SOX6: variants seen among roughly 807,000 people sequenced by gnomAD.
SOX6 encodes transcription factor SOX-6.
In SOX6, 11 loss-of-function variants were observed where a neutral mutation model predicts 97.8. The observed-to-expected ratio is 0.11, with a 90% CI of 0.07 to 0.19. SOX6 has a LOEUF of 0.19. Ranked by LOEUF, SOX6 falls within the 10% of genes least tolerant of loss-of-function variation. The pLI, the probability that SOX6 is intolerant of heterozygous loss-of-function variation, is 1.00. For missense variants in SOX6, 810 were observed against 1,039.5 expected (o/e 0.78, Z 3.04); for synonymous variants, 360 against 371.4 (o/e 0.97, Z 0.35).
intron 1 of SOX6, among the ~76,000 whole-genome samples, chr11:16,458,768 C>T (rs1315657203): frequency 6.6e-6 from 1 of 151,758 alleles, no homozygotes; most frequent in Non-Finnish European, 1.5e-5. Context: ...CAGGAAGCAG[C>T]AAAAAAATAG....
At position 16,132,326 on chromosome 11, in the gene SOX6, GGAAGGAAA is replaced by G. The variant is rs1236600042; in HGVS notation, c.778-20411_778-20404del. Among the ~76,000 whole-genome samples the G allele has an allele frequency of 1.7e-3, 112 of 66,306 alleles. 1 individual carries two copies. Among genetic ancestry groups the G allele is most frequent in the Non-Finnish European group, 2.8e-3 (89 of 32,116 alleles). 43.5% of individuals were successfully genotyped at this position (66,306 alleles called of 152,430 possible). A position where few individuals can be genotyped will look rare whatever the true frequency, so the allele number is the denominator to read the frequency against. ...AGGAAGGAAGGAAGGAAGGAAGGAA[GGAAGGAAA>G]GAAAAAAGAAAGAAAGAAAGAAAGA... On this transcript the variant is annotated intron_variant, in intron 6 of 15. Transcript: ENST00000683767.
intron 3 of SOX6, among the ~76,000 whole-genome samples, chr11:16,638,451 G>A (rs112283746): frequency 0.011 from 1,707 of 152,176 alleles, 24 homozygotes; most frequent in African/African-American, 0.039. Flanking sequence ...GGATGGCTGG[G>A]TCAAATGGTA....
At chr11:16,045,574 A>G (rs545389019) in intron 12 of SOX6, among the ~76,000 whole-genome samples, 1 of 152,280 alleles carries the variant, frequency 6.6e-6, no homozygotes, top group South Asian at 2.1e-4. Context: ...ACCAGGTAAT[A>G]ATAAGCTCTG....
chr11:16,603,436 A>T (rs1848295245), intron 4 of SOX6, among the ~76,000 whole-genome samples: 1 of 152,148 alleles, frequency 6.6e-6, no homozygotes, highest in Admixed American at 6.5e-5. Flanking sequence ...TCCCACAGTG[A>T]TCACTAGCAG....
rs147104203 is a variant in SOX6 at position 16,278,602 on chromosome 11, G to A, written c.445+39844C>T. On this transcript the variant is annotated intron_variant, in intron 3 of 15. Coordinates refer to ENST00000683767, the MANE Select transcript of SOX6 (RefSeq NM_001367873.1). Reference sequence around the variant, plus strand: ...AAACTAAATCAAGCACAAAGATTTGGGGCCCCAGAACAATAACATCAAGTT... The same window carrying A: ...AAACTAAATCAAGCACAAAGATTTGAGGCCCCAGAACAATAACATCAAGTT... Among the ~76,000 whole-genome samples the A allele has an allele frequency of 5.4e-3, 814 of 151,800 alleles. 7 individuals are homozygous for A. Among genetic ancestry groups the A allele is most frequent in the African/African-American group, 0.019 (777 of 41,400 alleles).
chr11:16,405,105 C>A (rs968881537), intron 1 of SOX6, among the ~76,000 whole-genome samples: 1 of 151,892 alleles, frequency 6.6e-6, no homozygotes, highest in Non-Finnish European at 1.5e-5. Flanking sequence ...TATGAAACAG[C>A]CTTTTATCCC....
rs1847642997 is a variant in SOX6, at chr11:16,049,931, G to A, written c.1259C>T (p.Ala420Val). 1.2e-6 allele frequency: 2 copies of A among 1,613,468 alleles called. No individual in the cohort carries two copies. Among genetic ancestry groups the A allele is most frequent in the Admixed American group, 3.3e-5 (2 of 59,944 alleles). The change falls in exon 11 of 16, where the codon GCA becomes GTA. Residue 420 changes from alanine (A) to valine (V), a missense_variant. Around this residue, in one of 9 missense-constraint regions of SOX6, gnomAD observed 244 missense variants for 261.0 expected, o/e 0.93. Transcript: ENST00000683767. Reference sequence around the variant, plus strand: ...TGAGAGATTCAGAGGCTGTGCTGCTGCTTCATCCTACAAGAGTTTAACGTA... The same window carrying A: ...TGAGAGATTCAGAGGCTGTGCTGCTACTTCATCCTACAAGAGTTTAACGTA... ...TSPVTQVKDE[A>V]AAQPLNLSSR...
rs569610243 is a variant in SOX6, at chr11:16,153,383, A to G, written c.777+30503T>C. ...AATTTGTGAACTGATAGTTGTCCCA[A>G]ATTTGTTTGGCGATATGTCATCCTA... is the stretch of plus-strand genomic sequence containing the variant. On this transcript the variant is annotated intron_variant, in intron 6 of 15. Coordinates refer to ENST00000683767, the MANE Select transcript of SOX6 (RefSeq NM_001367873.1). 2.0e-5 allele frequency among the ~76,000 whole-genome samples: 3 copies of G among 152,220 alleles called. No homozygotes were observed. In the East Asian group the frequency reaches 5.8e-4, roughly 29 times the overall value.
At chr11:16,268,153 G>A (rs1272829123) in intron 3 of SOX6, among the ~76,000 whole-genome samples, 1 of 151,170 alleles carries the variant, frequency 6.6e-6, no homozygotes, top group East Asian at 1.9e-4. Flanking sequence ...GCTAGTAATT[G>A]AGTACTGCAC....
chr11:16,577,636 A>G (rs559912281), intron 4 of SOX6, among the ~76,000 whole-genome samples: 40 of 152,276 alleles, frequency 2.6e-4, no homozygotes, highest in African/African-American at 9.6e-4. Context: ...GTATGTGTGA[A>G]GTAGTTACTC....
At chr11:15,980,682 A>C (rs1853628797) in intron 15 of SOX6, among the ~76,000 whole-genome samples, 1 of 152,044 alleles carries the variant, frequency 6.6e-6, no homozygotes, top group East Asian at 1.9e-4. Flanking sequence ...GCTCTCCTCT[A>C]TGCTAAAGCA....
intron 2 of SOX6, among the ~76,000 whole-genome samples, chr11:16,328,427 A>G (rs80144152): frequency 2.6e-5 from 4 of 152,186 alleles, no homozygotes; most frequent in Admixed American, 6.6e-5. Flanking sequence ...ATTACCATGG[A>G]CTGGCAACTC....
chr11:16,481,062 G>A (rs1048402536), upstream of SOX6, among the ~76,000 whole-genome samples: 2 of 152,072 alleles, frequency 1.3e-5, no homozygotes, highest in African/African-American at 4.8e-5. Context: ...TGCAGGAGAT[G>A]TGATTGTTGC....
chr11:16,039,201 T>C (rs1238291908), intron 12 of SOX6, among the ~76,000 whole-genome samples: 1 of 152,136 alleles, frequency 6.6e-6, no homozygotes, highest in Non-Finnish European at 1.5e-5. Context: ...TTAGTTTTTA[T>C]GTTGTTTTAC....
intron 12 of SOX6, among the ~76,000 whole-genome samples, chr11:16,027,143 G>A (rs189264407): frequency 2.0e-4 from 30 of 152,104 alleles, no homozygotes; most frequent in Admixed American, 3.9e-4. Flanking sequence ...CAAATGTAAC[G>A]ATAATACTCT....
intron 4 of SOX6, among the ~76,000 whole-genome samples, chr11:16,556,185 T>A (rs1053821749): frequency 1.3e-5 from 2 of 151,684 alleles, no homozygotes; most frequent in Admixed American, 6.6e-5. Context: ...TATTACTCAG[T>A]CATAATTATT....
intron 2 of SOX6, among the ~76,000 whole-genome samples, chr11:16,321,298 G>A (rs755220502): frequency 4.6e-5 from 7 of 151,290 alleles, no homozygotes; most frequent in Non-Finnish European, 1.0e-4. Context: ...CAACCTAAGG[G>A]ATTGAAGAAC....
At chr11:16,250,024 C>A (rs1853460472) in intron 3 of SOX6, among the ~76,000 whole-genome samples, 1 of 152,272 alleles carries the variant, frequency 6.6e-6, no homozygotes, top group African/African-American at 2.4e-5. Flanking sequence ...TTTTGGCTTT[C>A]ATTTAGAGGC....
chr11:16,437,122 C>T (rs1288442803), intron 1 of SOX6, among the ~76,000 whole-genome samples: 2 of 151,136 alleles, frequency 1.3e-5, no homozygotes, highest in African/African-American at 4.9e-5. Context: ...AAAAAATAGC[C>T]AGCATGGCAT....
Sources: gnomAD v4.1 joint callset for allele counts (sites outside exome capture counted in the v4.1 genomes callset) on GRCh38, gnomAD v4.1.1 for gene constraint, gnomAD v4.1.1 regional missense constraint, MANE v1.5 for transcripts, NCBI Gene and HGNC (gene_info 2026-07-23, HGNC 2026-07-21) for gene names.